Variants in ZDHHC17 observed in about 807,000 individuals in gnomAD.
The protein encoded by ZDHHC17 is palmitoyltransferase ZDHHC17.
Under a neutral mutation model 90.3 loss-of-function variants are expected in ZDHHC17, and 40 were observed. That is an observed-to-expected ratio of 0.44 (90% CI 0.34 to 0.58). The LOEUF (loss-of-function observed/expected upper bound fraction) is 0.58, where lower values mean the gene tolerates loss of function less well. ZDHHC17 is among the 20% of genes least tolerant of loss of function. The pLI is 0.01. For synonymous variants in ZDHHC17, 235 were observed against 252.4 expected (o/e 0.93, Z 0.65); for missense variants, 614 against 780.8 (o/e 0.79, Z 2.55).
chr12:76,784,520 C>A (rs942541791), intron 1 of ZDHHC17, among the ~76,000 whole-genome samples: 1 of 152,230 alleles, frequency 6.6e-6, no homozygotes, highest in East Asian at 1.9e-4. Flanking sequence ...AGAAGACCAT[C>A]GACATCAATT....
intron 8 of ZDHHC17, among the ~76,000 whole-genome samples, chr12:76,822,899 T>A (rs1953183299): frequency 6.6e-6 from 1 of 152,074 alleles, no homozygotes; most frequent in African/African-American, 2.4e-5. Flanking sequence ...TAAGTAGGAT[T>A]CTTAGGAACA....
At chr12:76,785,222 A>G (rs922478484) in intron 1 of ZDHHC17, among the ~76,000 whole-genome samples, 22 of 152,204 alleles carry the variant, frequency 1.4e-4, no homozygotes, top group African/African-American at 3.9e-4. Context: ...TATTGCATTA[A>G]CTTGGTTAAA....
At chr12:76,820,902 AT>A (rs1953156870) in intron 7 of ZDHHC17, among the ~76,000 whole-genome samples, 2 of 152,224 alleles carry the variant, frequency 1.3e-5, no homozygotes, top group East Asian at 3.8e-4. Flanking sequence ...GATCAAATAG[AT>A]ATAGACTTAA....
At chr12:76,794,297 T>C (rs1014671318) in intron 1 of ZDHHC17, among the ~76,000 whole-genome samples, 3 of 152,238 alleles carry the variant, frequency 2.0e-5, no homozygotes, top group Non-Finnish European at 4.4e-5. Flanking sequence ...TTAGATATGC[T>C]TATTTATATG....
intron 1 of ZDHHC17, among the ~76,000 whole-genome samples, chr12:76,767,686 G>T (rs61609602): frequency 6.6e-6 from 1 of 152,046 alleles, no homozygotes; most frequent in Admixed American, 6.5e-5. Context: ...TAGGGAGGCC[G>T]AGGCGGGCGG....
intron 1 of ZDHHC17, among the ~76,000 whole-genome samples, chr12:76,790,495 C>G (rs1018754936): frequency 1.3e-5 from 2 of 152,126 alleles, no homozygotes; most frequent in African/African-American, 4.8e-5. Context: ...GAGCGAGACT[C>G]TGTCTCTAAA....
chr12:76,801,382 G>A (rs1172987440), intron 2 of ZDHHC17, among the ~76,000 whole-genome samples: 4 of 151,450 alleles, frequency 2.6e-5, no homozygotes, highest in East Asian at 2.0e-4. Flanking sequence ...GGCCGGGCAC[G>A]GTGGCTCATG....
chr12:76,847,576 G>GGC (rs1354723377), intron 14 of ZDHHC17, among the ~76,000 whole-genome samples: 4 of 152,318 alleles, frequency 2.6e-5, no homozygotes, highest in African/African-American at 9.6e-5. Flanking sequence ...ACCTTGGCTG[G>GGC]GCATGGTGGC....
At chr12:76,850,476 T>G (rs1953550894) in intron 16 of ZDHHC17, among the ~76,000 whole-genome samples, 1 of 152,126 alleles carries the variant, frequency 6.6e-6, no homozygotes, top group East Asian at 1.9e-4. Context: ...CCTAGCTACT[T>G]GGGAGGCTGA....
At chr12:76,767,091 G>A (rs535547881) in intron 1 of ZDHHC17, among the ~76,000 whole-genome samples, 35 of 152,056 alleles carry the variant, frequency 2.3e-4, no homozygotes, top group African/African-American at 8.4e-4. Flanking sequence ...GGGATTAAGT[G>A]AGGCTATATG....
At chr12:76,833,240 ATTAT>A (rs1953326040) in intron 10 of ZDHHC17, among the ~76,000 whole-genome samples, 1 of 152,092 alleles carries the variant, frequency 6.6e-6, no homozygotes, top group African/African-American at 2.4e-5. Flanking sequence ...TTTCCAAATA[ATTAT>A]TTGATTTTTT....
intron 1 of ZDHHC17, among the ~76,000 whole-genome samples, chr12:76,793,701 T>A (rs1952787138): frequency 6.6e-6 from 1 of 152,208 alleles, no homozygotes; most frequent in Non-Finnish European, 1.5e-5. Flanking sequence ...TGGCGGACTT[T>A]TATTCATTAG....
chr12:76,783,985 C>T (rs1565765323), intron 1 of ZDHHC17, among the ~76,000 whole-genome samples: 1 of 152,194 alleles, frequency 6.6e-6, no homozygotes, highest in African/African-American at 2.4e-5. Context: ...GTGTGTGGCC[C>T]TACTGACATT....
rs200762312 is a variant in ZDHHC17, at chr12:76,764,355, C to T, written c.93+26C>T. 1,691 of 1,555,198 alleles carry T rather than the reference C, an allele frequency of 1.1e-3. 20 individuals carry two copies. In the African/African-American group the frequency reaches 0.021, roughly 19 times the overall value. On this transcript the variant is annotated intron_variant, in intron 1 of 16. Transcript: ENST00000426126. ...GTGAGGAACCGTGCTGAGTGGATTC[C>T]TTGCCCTGCGGCCCTCCAGCCTTTC...
At chr12:76,827,123 A>G in intron 9 of ZDHHC17, 73 bp downstream of exon 9, 1 of 1,422,272 alleles carries the variant, frequency 7.0e-7, no homozygotes, top group African/African-American at 1.5e-5. Context: ...GTATAAAATT[A>G]ATGTTTGTAT....
At chr12:76,836,692 T>G (rs1953367510) in intron 10 of ZDHHC17, among the ~76,000 whole-genome samples, 1 of 152,176 alleles carries the variant, frequency 6.6e-6, no homozygotes, top group African/African-American at 2.4e-5. Context: ...AGATTAAGCT[T>G]CTTAATTGGG....
rs1371232123 is a variant in ZDHHC17, at chr12:76,851,825, A to AGGT, written c.*844_*846dup. The AGGT allele has an allele frequency of 6.6e-6, 1 of 152,658 alleles. No homozygotes were observed. Among genetic ancestry groups the AGGT allele is most frequent in the African/African-American group, 2.4e-5 (1 of 41,476 alleles). 9.5% of individuals were successfully genotyped at this position (152,658 alleles called of 1,614,324 possible). On this transcript the variant is annotated 3_prime_UTR_variant, in exon 17 of 17. Coordinates refer to ENST00000426126, the MANE Select transcript of ZDHHC17 (RefSeq NM_015336.4). ...AAAACAGTTCCATTTTTAAGGGTTA[A>AGGT]GGTGGTATTTTCAAGAAAAGGCAGA...
chr12:76,780,937 C>A (rs1057069833), intron 1 of ZDHHC17, among the ~76,000 whole-genome samples: 8 of 151,326 alleles, frequency 5.3e-5, no homozygotes, highest in Non-Finnish European at 8.8e-5. Flanking sequence ...CTCATCCTGG[C>A]TAACACAGTG....
intron 3 of ZDHHC17, among the ~76,000 whole-genome samples, chr12:76,805,971 C>G (rs1592477533): frequency 6.6e-6 from 1 of 152,180 alleles, no homozygotes; most frequent in Non-Finnish European, 1.5e-5. Flanking sequence ...TTATCCATCA[C>G]TGTTAATGTT....
Sources: allele counts gnomAD v4.1 joint callset (sites outside exome capture counted in the v4.1 genomes callset), GRCh38; gene constraint gnomAD v4.1.1; transcripts MANE v1.5; gene names NCBI Gene and HGNC (gene_info 2026-07-23, HGNC 2026-07-21).